The following GRIK2 variants were observed in gnomAD, a reference collection of about 807,000 sequenced individuals.
GRIK2 encodes glutamate ionotropic receptor kainate type subunit 2, also known as glutamate receptor ionotropic, kainate 2.
GRIK2 carries 32 observed loss-of-function variants against 100.3 expected under a neutral mutation model. That is an observed-to-expected ratio of 0.32 (90% CI 0.24 to 0.43). The LOEUF is 0.43. Among genes scored for constraint, GRIK2 ranks in the 20% least tolerant of loss-of-function variants. The probability of loss-of-function intolerance (pLI) is 1.00; values close to 1 mark genes in which losing one functional copy is unlikely to be tolerated. For synonymous variants in GRIK2, 417 were observed against 389.4 expected (o/e 1.07, Z -0.83); for missense variants, 843 against 1,114.9 (o/e 0.76, Z 3.47).
intron 14 of GRIK2, among the ~76,000 whole-genome samples, chr6:101,988,383 A>G (rs1466183920): frequency 6.6e-6 from 1 of 151,872 alleles, no homozygotes; most frequent in East Asian, 1.9e-4. Context: ...TACAAGATAT[A>G]TAGCATTGTA....
At chr6:101,422,357 T>C (rs1320254081) in intron 2 of GRIK2, among the ~76,000 whole-genome samples, 1 of 152,150 alleles carries the variant, frequency 6.6e-6, no homozygotes, top group African/African-American at 2.4e-5. Flanking sequence ...ACAAATCATA[T>C]TTTTCTCCTG....
At chr6:101,626,182 G>A (rs1407511827) in intron 3 of GRIK2, among the ~76,000 whole-genome samples, 198 bp from the exon 4 acceptor site, 1 of 152,114 alleles carries the variant, frequency 6.6e-6, no homozygotes, top group Non-Finnish European at 1.5e-5. Context: ...GCTGCAGGGT[G>A]AGTTAATTCC....
At chr6:101,561,174 G>T (rs759496060) in intron 2 of GRIK2, among the ~76,000 whole-genome samples, 2 of 152,280 alleles carry the variant, frequency 1.3e-5, no homozygotes, top group South Asian at 2.1e-4. Context: ...TGATGTTTGA[G>T]ATAACTTGTC....
intron 4 of GRIK2, among the ~76,000 whole-genome samples, chr6:101,659,892 T>A (rs1208069036): frequency 1.3e-5 from 2 of 152,196 alleles, no homozygotes; most frequent in Non-Finnish European, 2.9e-5. Flanking sequence ...TCTCTCTGGC[T>A]GCCCTTAACA....
chr6:101,906,924 G>A (rs184249213), intron 12 of GRIK2, among the ~76,000 whole-genome samples: 10 of 151,796 alleles, frequency 6.6e-5, no homozygotes, highest in Admixed American at 5.9e-4. Context: ...CTTATCACTT[G>A]TTGCACAGTT....
intron 2 of GRIK2, among the ~76,000 whole-genome samples, chr6:101,487,583 C>A (rs1772894034): frequency 6.8e-6 from 1 of 146,988 alleles, no homozygotes; most frequent in South Asian, 2.1e-4. Flanking sequence ...AAACAAACTA[C>A]TGGAAAAACA....
intron 4 of GRIK2, among the ~76,000 whole-genome samples, chr6:101,667,225 A>T (rs545107321): frequency 9.9e-5 from 15 of 152,236 alleles, no homozygotes; most frequent in Admixed American, 9.8e-4. Flanking sequence ...TGACTCTCCC[A>T]CTTAGGCTTT....
intron 11 of GRIK2, among the ~76,000 whole-genome samples, chr6:101,887,044 G>A (rs989728893): frequency 4.1e-4 from 62 of 151,324 alleles, no homozygotes; most frequent in African/African-American, 1.5e-3. Flanking sequence ...TGGCCAGGAT[G>A]GTCTCGATCT....
chr6:101,929,641 T>G (rs6916077), intron 14 of GRIK2, among the ~76,000 whole-genome samples: 3,352 of 152,236 alleles, frequency 0.022, 124 homozygotes, highest in African/African-American at 0.076. Context: ...ACTTAAAACA[T>G]CACTGAATTT....
intron 14 of GRIK2, among the ~76,000 whole-genome samples, chr6:102,005,520 G>A (rs746464239): frequency 6.6e-6 from 1 of 151,666 alleles, no homozygotes; most frequent in Non-Finnish European, 1.5e-5. Flanking sequence ...TAACCCTGAG[G>A]GAATAAATCT....
intron 7 of GRIK2, among the ~76,000 whole-genome samples, chr6:101,697,626 T>C (rs531580723): frequency 1.3e-5 from 2 of 152,090 alleles, no homozygotes; most frequent in East Asian, 3.9e-4. Context: ...AATTAAAGGA[T>C]GGATTTTTGG....
intron 2 of GRIK2, among the ~76,000 whole-genome samples, chr6:101,578,166 G>C (rs1200900988): frequency 6.6e-6 from 1 of 152,142 alleles, no homozygotes; most frequent in Non-Finnish European, 1.5e-5. Flanking sequence ...GGATGCACAG[G>C]TTTATTTATT....
At chr6:101,561,621 G>C (rs1045512434) in intron 2 of GRIK2, among the ~76,000 whole-genome samples, 1 of 151,868 alleles carries the variant, frequency 6.6e-6, no homozygotes, top group African/African-American at 2.4e-5. Flanking sequence ...CCCAGAATGT[G>C]GGCAACTATT....
intron 14 of GRIK2, among the ~76,000 whole-genome samples, chr6:101,929,481 T>A (rs1053026755): frequency 1.2e-3 from 181 of 151,608 alleles, no homozygotes; most frequent in East Asian, 8.2e-3. Flanking sequence ...GTATTTTTTT[T>A]TAAAAAAATG....
chr6:101,776,252 G>A (rs1210158557), intron 7 of GRIK2, among the ~76,000 whole-genome samples: 1 of 152,158 alleles, frequency 6.6e-6, no homozygotes, highest in African/African-American at 2.4e-5. Flanking sequence ...GCTAGGATAT[G>A]AACACAGTCA....
At chr6:101,788,491 A>C (rs1779592857) in intron 7 of GRIK2, among the ~76,000 whole-genome samples, 1 of 151,998 alleles carries the variant, frequency 6.6e-6, no homozygotes, top group East Asian at 1.9e-4. Context: ...TAGTTTACTG[A>C]GAGTGATGAT....
intron 6 of GRIK2, among the ~76,000 whole-genome samples, chr6:101,685,101 T>C (rs547307398): frequency 3.3e-5 from 5 of 152,308 alleles, no homozygotes; most frequent in African/African-American, 1.2e-4. Context: ...TTCTTGACCA[T>C]ACAAATTGAA....
At chr6:101,550,753 TAGC>T (rs1196684049) in intron 2 of GRIK2, among the ~76,000 whole-genome samples, 4 of 152,186 alleles carry the variant, frequency 2.6e-5, no homozygotes, top group Non-Finnish European at 4.4e-5. Context: ...AAGCAGACTG[TAGC>T]GCGATGTGTT....
chr6:101,692,493 T>A (rs894628704), intron 7 of GRIK2, among the ~76,000 whole-genome samples: 3 of 152,146 alleles, frequency 2.0e-5, no homozygotes, highest in African/African-American at 4.8e-5. Flanking sequence ...AGGGAATTGA[T>A]AAAATCAGAA....
Sources: allele counts gnomAD v4.1 joint callset (sites outside exome capture counted in the v4.1 genomes callset), GRCh38; gene constraint gnomAD v4.1.1; transcripts MANE v1.5; gene names NCBI Gene and HGNC (gene_info 2026-07-23, HGNC 2026-07-21).